Variants in EIF2B3 observed in about 807,000 individuals in gnomAD.
The protein encoded by EIF2B3 is eukaryotic translation initiation factor 2B subunit gamma, also known as translation initiation factor eIF2B subunit gamma.
In EIF2B3, 20 loss-of-function variants were observed where a neutral mutation model predicts 54.1. The observed-to-expected ratio is 0.37, with a 90% CI of 0.26 to 0.54. The LOEUF is 0.54. EIF2B3 is among the 20% of genes least tolerant of loss of function. EIF2B3 has a pLI of 0.86. For synonymous variants in EIF2B3, 153 were observed against 188.1 expected (o/e 0.81, Z 1.52); for missense variants, 448 against 547.8 (o/e 0.82, Z 1.82).
chr1:44,950,385 G>T (rs1644148084), intron 3 of EIF2B3, among the ~76,000 whole-genome samples: 1 of 152,126 alleles, frequency 6.6e-6, no homozygotes. Flanking sequence ...TTGTGCCATT[G>T]CACTCCAGCA....
chr1:44,963,549 C>T (rs768070278), intron 3 of EIF2B3, among the ~76,000 whole-genome samples: 11 of 152,168 alleles, frequency 7.2e-5, no homozygotes, highest in East Asian at 1.9e-4. Context: ...GGATTACAGG[C>T]ATGAGCCACT....
chr1:44,866,507 A>ATGGGTGCATAGGGAGCACAGAGG (rs1308872032), intron 10 of EIF2B3, among the ~76,000 whole-genome samples: 1 of 152,038 alleles, frequency 6.6e-6, no homozygotes, highest in Non-Finnish European at 1.5e-5. Flanking sequence ...ATAAAGTGTT[A>ATGGGTGCATAGGGAGCACAGAGG]TGGGTGCATA....
At chr1:44,922,160 C>G (rs112737732) in intron 5 of EIF2B3, among the ~76,000 whole-genome samples, 9 of 151,120 alleles carry the variant, frequency 6.0e-5, no homozygotes, top group Admixed American at 3.3e-4. Flanking sequence ...ATGATTCACC[C>G]GCCTTGGCCT....
intron 5 of EIF2B3, among the ~76,000 whole-genome samples, chr1:44,914,737 G>A (rs964945541): frequency 5.3e-5 from 8 of 151,892 alleles, no homozygotes; most frequent in Admixed American, 1.3e-4. Flanking sequence ...CACCCAGGCC[G>A]GAGTGCAGTA....
At chr1:44,918,901 T>G (rs1643681310) in intron 5 of EIF2B3, among the ~76,000 whole-genome samples, 1 of 152,196 alleles carries the variant, frequency 6.6e-6, no homozygotes, top group Admixed American at 6.5e-5. Context: ...TGACTTCAGC[T>G]CTACGTATTA....
chr1:44,897,806 G>A (rs1656026891), intron 5 of EIF2B3, among the ~76,000 whole-genome samples: 1 of 147,272 alleles, frequency 6.8e-6, no homozygotes, highest in Non-Finnish European at 1.5e-5. Context: ...GCGTGATCTC[G>A]GCTCACTGCA....
intron 6 of EIF2B3, among the ~76,000 whole-genome samples, chr1:44,887,047 G>A (rs774441461): frequency 6.6e-6 from 1 of 151,042 alleles, no homozygotes; most frequent in Non-Finnish European, 1.5e-5. Context: ...CAGAGTGACT[G>A]GGGATTGTGG....
chr1:44,885,724 C>A (rs114144385), intron 6 of EIF2B3, among the ~76,000 whole-genome samples: 102 of 151,086 alleles, frequency 6.8e-4, no homozygotes, highest in African/African-American at 2.4e-3. Flanking sequence ...AACAGAATGT[C>A]ATATAGGCAA....
intron 6 of EIF2B3, among the ~76,000 whole-genome samples, chr1:44,895,511 C>T (rs1655938699): frequency 2.7e-5 from 4 of 150,292 alleles, no homozygotes. Flanking sequence ...TTAAAAAAAG[C>T]CTCTCTCTCT....
chr1:44,969,834 CTG>C (rs1199209078), intron 3 of EIF2B3: 5 of 152,100 alleles, frequency 3.3e-5, no homozygotes, highest in African/African-American at 1.2e-4. Context: ...TTAGTTGACT[CTG>C]AATATTTACT....
At position 44,851,658 on chromosome 1, in the gene EIF2B3, G is replaced by A. The variant is rs1557655637; in HGVS notation, c.1307-655C>T. On this transcript the variant is annotated intron_variant, in intron 11 of 11. Transcript: ENST00000360403. Reference sequence around the variant, plus strand: ...GAGAAAGGGGACCATGAAATACTGTGGTGTGGCCAGAGAATAGGAAATGAG... The same window carrying A: ...GAGAAAGGGGACCATGAAATACTGTAGTGTGGCCAGAGAATAGGAAATGAG... Among the ~76,000 whole-genome samples the A allele has an allele frequency of 2.6e-5, 4 of 152,050 alleles. No individual in the cohort carries two copies. In the South Asian group the frequency reaches 8.3e-4, roughly 32 times the overall value.
At chr1:44,886,334 C>T (rs1038944378) in intron 6 of EIF2B3, among the ~76,000 whole-genome samples, 1 of 152,098 alleles carries the variant, frequency 6.6e-6, no homozygotes, top group African/African-American at 2.4e-5. Flanking sequence ...CCTGCCTCAG[C>T]CTCCCAAAGT....
Position 44,879,843 on chromosome 1 carries a change from C to T in EIF2B3, c.950G>A (p.Gly317Glu), listed in dbSNP as rs1655328530. Residue 317 changes from glycine to glutamate, a missense_variant, in exon 8 of 12, where the codon GGA (glycine) becomes GAA (glutamate). Coordinates refer to ENST00000360403, the MANE Select transcript of EIF2B3 (RefSeq NM_020365.5). ...CTGTCTGTTTGCTTCCATGTAGAGTCCCAGTGTGCTCACTCGAGAGCAGAG... is the reference window on the plus strand; with the variant it reads ...CTGTCTGTTTGCTTCCATGTAGAGTTCCAGTGTGCTCACTCGAGAGCAGAG... Reference protein sequence around the residue: ...EGLCSRVSTLGLYMEANRQVP... With the variant: ...EGLCSRVSTLELYMEANRQVP... 1 of 1,613,918 alleles carries T rather than the reference C, an allele frequency of 6.2e-7. No individual in the cohort carries two copies. The highest frequency in any genetic ancestry group is 8.5e-7 in the Non-Finnish European group (1 of 1,180,036).
chr1:44,907,928 T>G (rs968155561), intron 5 of EIF2B3, among the ~76,000 whole-genome samples: 1 of 147,898 alleles, frequency 6.8e-6, no homozygotes, highest in Non-Finnish European at 1.5e-5. Context: ...ATGGCCACAA[T>G]TATTCCCCTC....
chr1:44,872,620 A>G (rs1178152539), intron 10 of EIF2B3, among the ~76,000 whole-genome samples: 1 of 152,066 alleles, frequency 6.6e-6, no homozygotes, highest in Non-Finnish European at 1.5e-5. Flanking sequence ...ACTGTACTCC[A>G]GCCTGGGCAA....
chr1:44,888,472 A>ACTCTCTCTCTCTCTCTCTCTCTCT (rs1655677552), intron 6 of EIF2B3, among the ~76,000 whole-genome samples: 1 of 115,134 alleles, frequency 8.7e-6, no homozygotes, highest in African/African-American at 3.8e-5. Flanking sequence ...ATGGCTTCTC[A>ACTCTCTCTCTCTCTCTCTCTCTCT]ATCTCTCTCT....
intron 10 of EIF2B3, among the ~76,000 whole-genome samples, chr1:44,868,631 G>A (rs1054465235): frequency 7.9e-5 from 12 of 151,902 alleles, no homozygotes; most frequent in African/African-American, 2.4e-4. Flanking sequence ...CACTGTGTCC[G>A]GCCCTGCCCA....
intron 2 of EIF2B3, among the ~76,000 whole-genome samples, chr1:44,978,884 G>C (rs1557715520): frequency 6.6e-6 from 1 of 151,460 alleles, no homozygotes; most frequent in African/African-American, 2.4e-5. Flanking sequence ...GGATCCGCCA[G>C]CCTTGGCCTC....
At chr1:44,889,093 C>T (rs1655704398) in intron 6 of EIF2B3, among the ~76,000 whole-genome samples, 1 of 152,142 alleles carries the variant, frequency 6.6e-6, no homozygotes, top group African/African-American at 2.4e-5. Flanking sequence ...GTGACCTTTA[C>T]TGTTAGTTGA....
Sources: allele counts gnomAD v4.1 joint callset (sites outside exome capture counted in the v4.1 genomes callset), GRCh38; gene constraint gnomAD v4.1.1; transcripts MANE v1.5; gene names NCBI Gene and HGNC (gene_info 2026-07-23, HGNC 2026-07-21).